The following CCDC171 variants were observed in gnomAD, a reference collection of about 807,000 sequenced individuals.
The protein encoded by CCDC171 is coiled-coil domain containing 171, also known as coiled-coil domain-containing protein 171.
Under a neutral mutation model 168.2 loss-of-function variants are expected in CCDC171, and 177 were observed. The ratio of observed to expected loss-of-function variants is 1.05; its 90% CI spans 0.93 to 1.19. The LOEUF (loss-of-function observed/expected upper bound fraction) is 1.19. CCDC171 is among the 50% of genes most tolerant of loss of function. The pLI is 0.00. For missense variants in CCDC171, 1,991 were observed against 1,539.0 expected, an observed-to-expected ratio of 1.29 and a Z score of -4.91; for synonymous variants, 687 against 540.8, an observed-to-expected ratio of 1.27 and a Z score of -3.75.
At chr9:15,993,494 G>GA (rs1171564085) in intron 3 of CCDC171, among the ~76,000 whole-genome samples, 1 of 152,022 alleles carries the variant, frequency 6.6e-6, no homozygotes, top group East Asian at 1.9e-4. Context: ...AAAAACCCTA[G>GA]AAAAAAACCT....
At chr9:15,957,504 C>G (rs1156539683) in intron 25 of CCDC171, among the ~76,000 whole-genome samples, 1 of 152,118 alleles carries the variant, frequency 6.6e-6, no homozygotes, top group East Asian at 1.9e-4. Context: ...AGCTGTTTCC[C>G]CCTAACTGTC....
chr9:15,719,547 C>T (rs2053336278), intron 11 of CCDC171, among the ~76,000 whole-genome samples: 1 of 151,938 alleles, frequency 6.6e-6, no homozygotes, highest in Non-Finnish European at 1.5e-5. Flanking sequence ...GCAGATTTAA[C>T]CCAAAGAAGA....
the CCDC171 span, among the ~76,000 whole-genome samples, chr9:16,083,396 C>G: frequency 6.6e-6 from 1 of 152,170 alleles, no homozygotes; most frequent in Non-Finnish European, 1.5e-5. Flanking sequence ...TACTCTCTTT[C>G]TACCACAGAG....
downstream of CCDC171, among the ~76,000 whole-genome samples, chr9:15,976,539 T>A (rs1831624046): frequency 6.6e-6 from 1 of 152,050 alleles, no homozygotes; most frequent in Non-Finnish European, 1.5e-5. Context: ...TAAATGATTG[T>A]TTTTATTTTA....
At chr9:15,596,321 A>G (rs1469098099) in intron 6 of CCDC171, among the ~76,000 whole-genome samples, 1 of 151,836 alleles carries the variant, frequency 6.6e-6, no homozygotes, top group Non-Finnish European at 1.5e-5. Context: ...TAATTTTTGT[A>G]TAAGGTGTAA....
chr9:15,790,743 G>A (rs930040917), intron 21 of CCDC171, among the ~76,000 whole-genome samples: 2 of 152,160 alleles, frequency 1.3e-5, no homozygotes, highest in African/African-American at 4.8e-5. Flanking sequence ...TAACATTTAA[G>A]TCCTTAATCC....
rs1440592161 is a variant in CCDC171 at position 15,816,091 on chromosome 9, C to A, written c.3268-30611C>A. On this transcript the variant is annotated intron_variant, in intron 21 of 25. Transcript: ENST00000380701. ...TCACGTTTTGTGTTTATTATGATGT[C>A]CTATTATGATATGATAATTTCCTTT... Among the ~76,000 whole-genome samples, 2 of 117,236 alleles carry A rather than the reference C, an allele frequency of 1.7e-5. 1 individual carries two copies. 76.9% of individuals were successfully genotyped at this position (117,236 alleles called of 152,430 possible).
intron 20 of CCDC171, 55 bp from the exon 21 acceptor site, chr9:15,784,454 A>G (rs1588473828): frequency 2.6e-6 from 3 of 1,166,994 alleles, no homozygotes; most frequent in Admixed American, 2.0e-5. Flanking sequence ...AGGTGAAATG[A>G]TACAACAATG....
At chr9:15,939,602 A>G (rs905886934) in intron 25 of CCDC171, among the ~76,000 whole-genome samples, 1 of 151,932 alleles carries the variant, frequency 6.6e-6, no homozygotes, top group Non-Finnish European at 1.5e-5. Flanking sequence ...AGTCTTGTTT[A>G]TCTCTATCTC....
downstream of CCDC171, among the ~76,000 whole-genome samples, chr9:15,975,524 G>C (rs1291745373): frequency 6.6e-6 from 1 of 152,090 alleles, no homozygotes; most frequent in Non-Finnish European, 1.5e-5. Flanking sequence ...TGTGAAGTTG[G>C]TGTCTATCTT....
intron 16 of CCDC171, 98 bp downstream of exon 16, chr9:15,729,896 T>G (rs1005738847): frequency 1.0e-5 from 9 of 895,276 alleles, no homozygotes; most frequent in Non-Finnish European, 1.4e-5. Flanking sequence ...CAGTTTAAAC[T>G]TCTTAAGAAC....
chr9:15,833,995 A>G (rs2060339479), intron 21 of CCDC171, among the ~76,000 whole-genome samples: 1 of 152,158 alleles, frequency 6.6e-6, no homozygotes, highest in South Asian at 2.1e-4. Context: ...ATGCACTACA[A>G]AAATGACCCA....
At chr9:16,037,273 A>G (rs1368667799) in intron 8 of CCDC171, among the ~76,000 whole-genome samples, 1 of 152,258 alleles carries the variant, frequency 6.6e-6, no homozygotes, top group African/African-American at 2.4e-5. Context: ...ATGTACAATT[A>G]TCACATGTCT....
chr9:16,044,227 C>A (rs1833617342), intron 1 of CCDC171, among the ~76,000 whole-genome samples: 1 of 152,152 alleles, frequency 6.6e-6, no homozygotes, highest in African/African-American at 2.4e-5. Flanking sequence ...TTGAAGGATT[C>A]ATTTTTGATT....
intron 18 of CCDC171, among the ~76,000 whole-genome samples, chr9:15,747,830 A>G (rs774093126): frequency 3.2e-4 from 49 of 152,196 alleles, no homozygotes; most frequent in Non-Finnish European, 5.0e-4. Flanking sequence ...AAAAACCAGA[A>G]CACATCTTCT....
intron 2 of CCDC171, among the ~76,000 whole-genome samples, chr9:15,564,897 G>C (rs1348254515): frequency 6.6e-6 from 1 of 152,138 alleles, no homozygotes; most frequent in African/African-American, 2.4e-5. Context: ...TAAAAATAAT[G>C]CATTAAATGT....
At chr9:16,081,169 G>A in the CCDC171 span, among the ~76,000 whole-genome samples, 1 of 152,126 alleles carries the variant, frequency 6.6e-6, no homozygotes. Flanking sequence ...GTTCTAACAT[G>A]GACATTGTCA....
At chr9:15,626,304 T>G (rs906106587) in intron 7 of CCDC171, among the ~76,000 whole-genome samples, 1 of 152,210 alleles carries the variant, frequency 6.6e-6, no homozygotes, top group Admixed American at 6.5e-5. Context: ...ATACCCTTTA[T>G]TTCTTTCTCC....
intron 24 of CCDC171, among the ~76,000 whole-genome samples, chr9:15,918,160 C>T (rs1011272905): frequency 3.3e-5 from 5 of 151,438 alleles, no homozygotes; most frequent in Admixed American, 1.3e-4. Context: ...CTGTGTTTTG[C>T]TCTGAAAAAC....
Sources: allele counts gnomAD v4.1 joint callset (sites outside exome capture counted in the v4.1 genomes callset), GRCh38; gene constraint gnomAD v4.1.1; transcripts MANE v1.5; gene names NCBI Gene and HGNC (gene_info 2026-07-23, HGNC 2026-07-21).